MTMR3: variants seen among roughly 807,000 people sequenced by gnomAD.
MTMR3 encodes phosphatidylinositol-3,5-bisphosphate 3-phosphatase MTMR3.
MTMR3 carries 32 observed loss-of-function variants against 132.4 expected under a neutral mutation model. That is an observed-to-expected ratio of 0.24 (90% CI 0.18 to 0.32). The LOEUF (loss-of-function observed/expected upper bound fraction) is 0.32. MTMR3 is among the 10% of genes least tolerant of loss of function. MTMR3 has a pLI of 1.00. For missense variants in MTMR3, 1,216 were observed against 1,489.6 expected (o/e 0.82, Z 3.02); for synonymous variants, 556 against 550.3 (o/e 1.01, Z -0.14).
rs1555908361 is a variant in MTMR3 at position 29,967,247 on chromosome 22, G to GCGCA, written c.-84-3728_-84-3725dup. Among the ~76,000 whole-genome samples, 145 of 150,534 alleles carry GCGCA rather than the reference G, an allele frequency of 9.6e-4. 4 individuals carry two copies. The highest frequency in any genetic ancestry group is 3.5e-3 in the African/African-American group (141 of 40,808). On this transcript the variant is annotated intron_variant, in intron 2 of 19. Coordinates refer to ENST00000401950, the MANE Select transcript of MTMR3 (RefSeq NM_021090.4). ...TGTGTGTGTGTGCATGCGCGCGCGCGCGCATGTTTTTTAGAGACAAGGTCT... is the reference window on the plus strand; with the variant it reads ...TGTGTGTGTGTGCATGCGCGCGCGCGCGCACGCATGTTTTTTAGAGACAAGGTCT...
At chr22:30,004,700 G>C (rs1453427375) in intron 9 of MTMR3, 1 of 152,242 alleles carries the variant, frequency 6.6e-6, no homozygotes, top group Non-Finnish European at 1.5e-5. Context: ...CTCAGAACAT[G>C]TGTCTTGTAT....
chr22:29,921,964 C>T (rs921946313), intron 1 of MTMR3, among the ~76,000 whole-genome samples: 6 of 151,420 alleles, frequency 4.0e-5, no homozygotes, highest in South Asian at 2.1e-4. Context: ...ATTCTTGTGC[C>T]TCAGCCTCCC....
chr22:29,978,231 T>C (rs1256540246), intron 3 of MTMR3: 1 of 354,488 alleles, frequency 2.8e-6, no homozygotes, highest in Non-Finnish European at 5.4e-6. Context: ...CTCTTTGACA[T>C]TTTTTTTGCA....
At chr22:30,004,458 A>C (rs1205325874) in intron 9 of MTMR3, 1 of 152,230 alleles carries the variant, frequency 6.6e-6, no homozygotes, top group Non-Finnish European at 1.5e-5. Flanking sequence ...GGCTGGTTGA[A>C]GAAAAACTTC....
chr22:30,017,886 T>C (rs1008075007), intron 15 of MTMR3, 41 bp from the exon 16 acceptor site: 2 of 1,610,176 alleles, frequency 1.2e-6, no homozygotes, highest in African/African-American at 2.7e-5. Context: ...CTAGAAGACT[T>C]ATTGGGGCAT....
chr22:29,896,628 T>C (rs2064901442), intron 1 of MTMR3, among the ~76,000 whole-genome samples: 1 of 152,076 alleles, frequency 6.6e-6, no homozygotes, highest in Non-Finnish European at 1.5e-5. Flanking sequence ...ATCACTTGAA[T>C]TTGCTTTTTG....
chr22:29,982,932 T>TG (rs776244475), intron 5 of MTMR3: 3 of 133,030 alleles, frequency 2.3e-5, no homozygotes, highest in African/African-American at 9.6e-5. Context: ...CGTTTAAAAG[T>TG]TTGTTTGTGT....
chr22:29,906,750 C>T (rs548630340), intron 1 of MTMR3, among the ~76,000 whole-genome samples: 2 of 152,290 alleles, frequency 1.3e-5, no homozygotes, highest in African/African-American at 4.8e-5. Context: ...ATCTACTCCC[C>T]CTTTCCCCAT....
chr22:29,959,948 T>G (rs770419667), intron 2 of MTMR3, among the ~76,000 whole-genome samples: 4 of 151,764 alleles, frequency 2.6e-5, no homozygotes, highest in Non-Finnish European at 5.9e-5. Context: ...TTTATTTTTG[T>G]GGAGACTAGG....
At chr22:29,941,223 G>A (rs1286308711) in intron 1 of MTMR3, among the ~76,000 whole-genome samples, 2 of 152,172 alleles carry the variant, frequency 1.3e-5, no homozygotes, top group Non-Finnish European at 2.9e-5. Flanking sequence ...TATCCAGGTT[G>A]TATCAGTAAG....
intron 5 of MTMR3, chr22:29,986,656 T>C: frequency 1.1e-6 from 1 of 894,170 alleles, no homozygotes; most frequent in Non-Finnish European, 1.3e-6. Context: ...ATTTTTCTTT[T>C]TTCTTTTCTT....
intron 1 of MTMR3, among the ~76,000 whole-genome samples, chr22:29,905,234 A>G (rs968359771): frequency 3.3e-5 from 5 of 152,138 alleles, no homozygotes; most frequent in African/African-American, 1.2e-4. Flanking sequence ...CCCCTGTGGA[A>G]CCTGCCTATA....
chr22:29,925,180 G>A (rs1412525878), intron 1 of MTMR3, among the ~76,000 whole-genome samples: 1 of 152,170 alleles, frequency 6.6e-6, no homozygotes, highest in African/African-American at 2.4e-5. Context: ...CCAGAGGTGT[G>A]CATCACTATG....
At position 29,970,958 on chromosome 22, in the gene MTMR3, C is replaced by CG; in HGVS notation, c.-84-18_-84-17insG. 4.0e-6 allele frequency: 2 copies of CG among 496,864 alleles called. No individual in the cohort carries two copies. The highest frequency in any genetic ancestry group is 6.6e-6 in the Non-Finnish European group (2 of 303,220). 30.8% of individuals were successfully genotyped at this position (496,864 alleles called of 1,614,324 possible). ...CTCTTTTTTTTTTCTTCTTCCCCCT[C>CG]TTCCCCCCCACCCCCAGACTTCACC... On this transcript the variant is annotated splice_polypyrimidine_tract_variant and intron_variant, in intron 2 of 19. Transcript: ENST00000401950.
intron 7 of MTMR3, chr22:29,994,135 C>T: frequency 1.0e-6 from 1 of 985,278 alleles, no homozygotes; most frequent in South Asian, 4.7e-5. Flanking sequence ...ATGTGCCATG[C>T]TTATGAAAAC....
intron 2 of MTMR3, among the ~76,000 whole-genome samples, chr22:29,962,042 C>T (rs2066322574): frequency 6.6e-6 from 1 of 152,202 alleles, no homozygotes; most frequent in South Asian, 2.1e-4. Context: ...GTTTGCACAA[C>T]AGCTAAATCT....
intron 3 of MTMR3, among the ~76,000 whole-genome samples, chr22:29,973,428 G>A (rs1021304994): frequency 8.5e-5 from 13 of 152,250 alleles, no homozygotes; most frequent in Admixed American, 3.9e-4. Context: ...ATAATCCCAA[G>A]CATTTTATCA....
chr22:29,923,160 G>T (rs1026633281), intron 1 of MTMR3, among the ~76,000 whole-genome samples: 1 of 151,332 alleles, frequency 6.6e-6, no homozygotes, highest in African/African-American at 2.4e-5. Context: ...TCCTGCCTCA[G>T]CCTCCTGAGT....
At chr22:30,005,522 G>A (rs12158416) in intron 9 of MTMR3, 1 of 152,196 alleles carries the variant, frequency 6.6e-6, no homozygotes, top group African/African-American at 2.4e-5. Context: ...ATTCAGCTCA[G>A]TGGTTGCCTG....
Sources: allele counts gnomAD v4.1 joint callset (sites outside exome capture counted in the v4.1 genomes callset), GRCh38; gene constraint gnomAD v4.1.1; transcripts MANE v1.5; gene names NCBI Gene and HGNC (gene_info 2026-07-23, HGNC 2026-07-21).